COL23A1: variants seen among roughly 807,000 people sequenced by gnomAD.
COL23A1 encodes the protein collagen alpha-1(XXIII) chain.
Under a neutral mutation model 99.3 loss-of-function variants are expected in COL23A1, and 97 were observed. The ratio of observed to expected loss-of-function variants is 0.98; its 90% CI spans 0.83 to 1.16. The LOEUF (loss-of-function observed/expected upper bound fraction) is 1.16, where lower values mean the gene tolerates loss of function less well. Ranked by LOEUF, COL23A1 falls within the 50% of genes most tolerant of loss-of-function variation. The probability of loss-of-function intolerance (pLI) is 0.00; values close to 1 mark genes in which losing one functional copy is unlikely to be tolerated. For missense variants in COL23A1, 762 were observed against 757.4 expected, an observed-to-expected ratio of 1.01 and a Z score of -0.07; for synonymous variants, 320 against 308.2, an observed-to-expected ratio of 1.04 and a Z score of -0.40.
intron 2 of COL23A1, among the ~76,000 whole-genome samples, chr5:178,422,587 AGGCCGGGAGCTGGGAGGGACGG>A (rs751732901): frequency 1.4e-4 from 21 of 152,146 alleles, no homozygotes; most frequent in Non-Finnish European, 2.9e-4. Context: ...GCAACCCAGC[AGGCCGGGAGCTGGGAGGGACGG>A]GACCTGTCAG....
intron 1 of COL23A1, chr5:178,562,174 G>A (rs1413456598): frequency 1.7e-5 from 8 of 473,726 alleles, no homozygotes; most frequent in African/African-American, 1.4e-4. Context: ...CGCGAGAGGC[G>A]GAGGTTGCAG....
chr5:178,498,232 ATATATATATATATATAT>A (rs1758314696), intron 2 of COL23A1, among the ~76,000 whole-genome samples: 1 of 73,356 alleles, frequency 1.4e-5, no homozygotes, highest in African/African-American at 5.8e-5. Context: ...ATATATATAT[ATATATATATATATATAT>A]ATATATATAA....
intron 2 of COL23A1, among the ~76,000 whole-genome samples, chr5:178,510,629 G>A (rs372905380): frequency 6.6e-6 from 1 of 151,654 alleles, no homozygotes; most frequent in African/African-American, 2.4e-5. Context: ...TAACTAACCT[G>A]CACATTGTGT....
In COL23A1 at chr5:178,281,651, G is replaced by A. The variant is rs958157170; in HGVS notation, c.441+6673C>T. 1.3e-5 allele frequency among the ~76,000 whole-genome samples: 2 copies of A among 152,196 alleles called. No individual in the cohort carries two copies. The highest frequency in any genetic ancestry group is 4.8e-5 in the African/African-American group (2 of 41,446). On this transcript the variant is annotated intron_variant, in intron 5 of 28. Coordinates refer to ENST00000390654, the MANE Select transcript of COL23A1 (RefSeq NM_173465.4). This position sits in a 1 kb window ranked among gnomAD's most constrained non-coding sequence, Gnocchi z 4.0. ...GCTTCACCAGCAAATTAGTGCAACCGCCTCCTACCCGCACCCCTTCCTCCA... is the reference window on the plus strand; with the variant it reads ...GCTTCACCAGCAAATTAGTGCAACCACCTCCTACCCGCACCCCTTCCTCCA...
At position 178,415,542 on chromosome 5, in the gene COL23A1, C is replaced by T. The variant is rs1765257763; in HGVS notation, c.362-108623G>A. ...CTACTGTCTCCTGACCTCTCCACAGCCAGAGGACACGAGGGACGCCCCTTG... is the reference window on the plus strand; with the variant it reads ...CTACTGTCTCCTGACCTCTCCACAGTCAGAGGACACGAGGGACGCCCCTTG... On this transcript the variant is annotated intron_variant, in intron 2 of 28. Transcript: ENST00000390654. This position sits in a 1 kb window ranked among gnomAD's most constrained non-coding sequence, Gnocchi z 4.6. 6.6e-6 allele frequency among the ~76,000 whole-genome samples: 1 copy of T among 152,196 alleles called. No homozygotes were observed. Among genetic ancestry groups the T allele is most frequent in the Non-Finnish European group, 1.5e-5 (1 of 68,034 alleles).
chr5:178,257,427 C>T (rs772720005), intron 13 of COL23A1, 96 bp downstream of exon 13: 61 of 1,416,940 alleles, frequency 4.3e-5, no homozygotes, highest in Non-Finnish European at 5.7e-5. Context: ...CCTAGGAACC[C>T]GTGGTGCCAA....
At chr5:178,509,293 C>T (rs1759064998) in intron 2 of COL23A1, among the ~76,000 whole-genome samples, 1 of 151,952 alleles carries the variant, frequency 6.6e-6, no homozygotes, top group East Asian at 1.9e-4. Flanking sequence ...GCAATCTCAG[C>T]TCACTGCAAC....
intron 2 of COL23A1, among the ~76,000 whole-genome samples, chr5:178,382,332 C>T (rs775616707): frequency 1.3e-5 from 2 of 152,128 alleles, no homozygotes; most frequent in Admixed American, 6.5e-5. Flanking sequence ...TGTTTGTTTC[C>T]GAATCAGGTT....
chr5:178,582,173 C>T (rs1284601481), intron 1 of COL23A1, among the ~76,000 whole-genome samples: 5 of 139,404 alleles, frequency 3.6e-5, no homozygotes, highest in African/African-American at 1.4e-4. Context: ...CACGACTGCA[C>T]TCCAGCCTGG....
chr5:178,510,173 TAATC>T (rs1256005635), intron 2 of COL23A1, among the ~76,000 whole-genome samples: 1 of 152,260 alleles, frequency 6.6e-6, no homozygotes, highest in Non-Finnish European at 1.5e-5. Flanking sequence ...TTTTTCTTCT[TAATC>T]AATACCCAGT....
At chr5:178,523,201 TAGAGAGAGAGAG>T (rs70997609) in intron 2 of COL23A1, among the ~76,000 whole-genome samples, 7 of 77,616 alleles carry the variant, frequency 9.0e-5, no homozygotes, top group African/African-American at 1.9e-4. Context: ...TATATATATA[TAGAGAGAGAGAG>T]AGAGAGAGAG....
At chr5:178,337,922 C>T (rs1760437884) in intron 2 of COL23A1, among the ~76,000 whole-genome samples, 1 of 151,392 alleles carries the variant, frequency 6.6e-6, no homozygotes, top group African/African-American at 2.4e-5. Context: ...AATTATAATC[C>T]CTGACATTTA....
At chr5:178,447,451 A>G (rs1767224079) in intron 2 of COL23A1, among the ~76,000 whole-genome samples, 1 of 152,200 alleles carries the variant, frequency 6.6e-6, no homozygotes, top group African/African-American at 2.4e-5. Context: ...GTCCCTTAAG[A>G]TTATAATACC....
rs543386224 is a variant in COL23A1, at chr5:178,358,169, GTGTATGTGTA to G, written c.362-51260_362-51251del. On this transcript the variant is annotated intron_variant, in intron 2 of 28. Coordinates refer to ENST00000390654, the MANE Select transcript of COL23A1 (RefSeq NM_173465.4). The stretch of plus-strand genomic sequence containing the variant: ...GTATGTGTATGTGTGTATGTCTAAT[GTGTATGTGTA>G]TGTATGTGTATGTGTGTGCATGTGT... Among the ~76,000 whole-genome samples, 226 of 148,968 alleles carry G rather than the reference GTGTATGTGTA, an allele frequency of 1.5e-3. 2 individuals are homozygous for G. Among genetic ancestry groups the G allele is most frequent in the African/African-American group, 5.2e-3 (208 of 40,294 alleles).
At chr5:178,438,123 G>T (rs1766663244) in intron 2 of COL23A1, among the ~76,000 whole-genome samples, 1 of 152,244 alleles carries the variant, frequency 6.6e-6, no homozygotes, top group Non-Finnish European at 1.5e-5. Flanking sequence ...ATCCTCTGCT[G>T]TGGTCCAAAC....
At chr5:178,535,499 ACT>A (rs775487253) in intron 2 of COL23A1, among the ~76,000 whole-genome samples, 4 of 152,112 alleles carry the variant, frequency 2.6e-5, no homozygotes, top group Non-Finnish European at 5.9e-5. Flanking sequence ...GCCAGGCATC[ACT>A]CTCCCACGCA....
chr5:178,450,809 C>T (rs1251160740), intron 2 of COL23A1, among the ~76,000 whole-genome samples: 1 of 152,170 alleles, frequency 6.6e-6, no homozygotes, highest in Non-Finnish European at 1.5e-5. Flanking sequence ...TCCTGTTTTA[C>T]AGATGGAGAA....
intron 2 of COL23A1, among the ~76,000 whole-genome samples, chr5:178,463,823 G>A (rs1756261351): frequency 1.3e-5 from 2 of 152,338 alleles, no homozygotes; most frequent in East Asian, 3.9e-4. Context: ...TGCGGACACT[G>A]TGCAGGTATG....
chr5:178,539,545 C>CAAAAAAA (rs58424731), intron 2 of COL23A1, among the ~76,000 whole-genome samples: 42 of 78,360 alleles, frequency 5.4e-4, no homozygotes, highest in East Asian at 8.1e-4. Context: ...GACTCTGTCT[C>CAAAAAAA]AAAAAAAAAA....
Sources: gnomAD v4.1 joint callset for allele counts (sites outside exome capture counted in the v4.1 genomes callset) on GRCh38, gnomAD v4.1.1 for gene constraint, Gnocchi (gnomAD v3.1) non-coding constraint, MANE v1.5 for transcripts, NCBI Gene and HGNC (gene_info 2026-07-23, HGNC 2026-07-21) for gene names.